Variants in ACMSD observed in about 807,000 individuals in gnomAD.
ACMSD encodes aminocarboxymuconate semialdehyde decarboxylase.
In ACMSD, 37 loss-of-function variants were observed where a neutral mutation model predicts 45.9. The ratio of observed to expected loss-of-function variants is 0.81; its 90% CI spans 0.62 to 1.06. ACMSD has a LOEUF of 1.06. Ranked by LOEUF, ACMSD falls within the 50% of genes least tolerant of loss-of-function variation. ACMSD has a pLI of 0.00. For synonymous variants in ACMSD, 138 were observed against 148.8 expected, an observed-to-expected ratio of 0.93 and a Z score of 0.53; for missense variants, 434 against 420.9, an observed-to-expected ratio of 1.03 and a Z score of -0.27.
At chr2:134,885,340 T>TA (rs1204768436) in intron 8 of ACMSD, among the ~76,000 whole-genome samples, 4 of 105,446 alleles carry the variant, frequency 3.8e-5, no homozygotes, top group Admixed American at 2.8e-4. Context: ...TAAATATATA[T>TA]TTATATATAA....
intron 8 of ACMSD, among the ~76,000 whole-genome samples, chr2:134,892,708 T>C (rs1420790301): frequency 6.6e-6 from 1 of 151,906 alleles, no homozygotes; most frequent in Non-Finnish European, 1.5e-5. Context: ...TGAAGAAGGA[T>C]GGAAAGTTGA....
chr2:134,852,690 T>C (rs982645158), intron 2 of ACMSD, among the ~76,000 whole-genome samples: 1 of 152,034 alleles, frequency 6.6e-6, no homozygotes, highest in Non-Finnish European at 1.5e-5. Context: ...AACCTGGGAA[T>C]GTGGGAGCTG....
chr2:134,875,736 G>A (rs866976689), intron 8 of ACMSD, among the ~76,000 whole-genome samples: 3 of 152,098 alleles, frequency 2.0e-5, no homozygotes, highest in Admixed American at 6.5e-5. Flanking sequence ...TTGAGAGGTC[G>A]GTCATACGCT....
At chr2:134,895,335 T>C (rs955527014) in intron 8 of ACMSD, among the ~76,000 whole-genome samples, 28 of 145,774 alleles carry the variant, frequency 1.9e-4, no homozygotes, top group African/African-American at 7.0e-4. Flanking sequence ...ATGTTATATA[T>C]ATAATATATA....
intron 8 of ACMSD, among the ~76,000 whole-genome samples, chr2:134,892,214 C>A (rs895394747): frequency 1.6e-5 from 2 of 123,904 alleles, no homozygotes; most frequent in Non-Finnish European, 3.2e-5. Flanking sequence ...GCACTTGTAC[C>A]CCTTACATGT....
chr2:134,863,218 A>G (rs1056032825), intron 4 of ACMSD, among the ~76,000 whole-genome samples, 177 bp from the exon 5 acceptor site: 2 of 152,084 alleles, frequency 1.3e-5, no homozygotes, highest in African/African-American at 4.8e-5. Context: ...CTTTACAAAG[A>G]TTGGCTTCTC....
intron 2 of ACMSD, among the ~76,000 whole-genome samples, chr2:134,847,451 T>TAGATAGATAG (rs1687118341): frequency 2.8e-5 from 4 of 143,982 alleles, no homozygotes; most frequent in South Asian, 2.3e-4. Flanking sequence ...TAGATAGATA[T>TAGATAGATAG]AGATAGAGAT....
chr2:134,897,809 C>A (rs1293410296), intron 8 of ACMSD, among the ~76,000 whole-genome samples: 1 of 150,978 alleles, frequency 6.6e-6, no homozygotes, highest in Non-Finnish European at 1.5e-5. Context: ...ACTTATGATC[C>A]AGTTTATAGG....
At chr2:134,840,839 T>C (rs1686774288) in intron 1 of ACMSD, among the ~76,000 whole-genome samples, 1 of 152,190 alleles carries the variant, frequency 6.6e-6, no homozygotes, top group Non-Finnish European at 1.5e-5. Flanking sequence ...TAGTGGTGAT[T>C]TGTGAGATTT....
intron 2 of ACMSD, among the ~76,000 whole-genome samples, chr2:134,858,616 G>A (rs1687695029): frequency 6.6e-6 from 1 of 152,064 alleles, no homozygotes. Flanking sequence ...AGATAATGTT[G>A]TACAGCATAA....
intron 2 of ACMSD, among the ~76,000 whole-genome samples, chr2:134,847,775 A>C (rs1356128799): frequency 6.6e-6 from 1 of 152,126 alleles, no homozygotes; most frequent in Non-Finnish European, 1.5e-5. Context: ...ATGTCCCTGC[A>C]AAGGACATGA....
intron 8 of ACMSD, among the ~76,000 whole-genome samples, chr2:134,892,459 GAAAAAATA>G (rs1166436293): frequency 8.1e-6 from 1 of 123,260 alleles, no homozygotes; most frequent in Admixed American, 9.8e-5. Context: ...TATTGCTGTG[GAAAAAATA>G]AATAAATAAA....
Position 134,838,644 on chromosome 2 carries a change from A to G in ACMSD, c.-39A>G, listed in dbSNP as rs193088385. 4.0e-4 allele frequency: 635 copies of G among 1,578,548 alleles called. 6 individuals are homozygous for G. The Middle Eastern group carries it at 8.7e-3, about 22-fold the overall frequency. On this transcript the variant is annotated 5_prime_UTR_variant, in exon 1 of 10. Transcript: ENST00000356140. ...GTTTTCACAAAGGTCTCTTGATATC[A>G]AAACTTCTTTCCTTGCATGCTTCTC...
At chr2:134,869,794 G>A (rs1228192321) in intron 6 of ACMSD, among the ~76,000 whole-genome samples, 1 of 152,064 alleles carries the variant, frequency 6.6e-6, no homozygotes, top group Non-Finnish European at 1.5e-5. Context: ...TGGATTGGAG[G>A]ATTCCCAGCA....
intron 6 of ACMSD, among the ~76,000 whole-genome samples, chr2:134,869,559 C>T (rs1175839608): frequency 1.3e-5 from 2 of 152,064 alleles, no homozygotes; most frequent in Non-Finnish European, 2.9e-5. Flanking sequence ...CATATAGAGT[C>T]ATTTCATCAT....
chr2:134,858,494 T>G (rs1243031564), intron 2 of ACMSD, among the ~76,000 whole-genome samples: 1 of 152,202 alleles, frequency 6.6e-6, no homozygotes, highest in Non-Finnish European at 1.5e-5. Flanking sequence ...ACTTGAAAAT[T>G]GCTAAAAGAA....
intron 8 of ACMSD, among the ~76,000 whole-genome samples, chr2:134,878,135 T>C (rs1206088217): frequency 2.6e-5 from 4 of 152,138 alleles, no homozygotes; most frequent in African/African-American, 9.7e-5. Context: ...AGTTCCTTTG[T>C]TCCTCACACA....
chr2:134,839,108 A>G (rs758097175), intron 1 of ACMSD, among the ~76,000 whole-genome samples: 1 of 152,200 alleles, frequency 6.6e-6, no homozygotes, highest in Non-Finnish European at 1.5e-5. Flanking sequence ...AAGACCATTA[A>G]AAATGGAATG....
At chr2:134,850,512 C>T (rs896021082) in intron 2 of ACMSD, among the ~76,000 whole-genome samples, 1 of 152,196 alleles carries the variant, frequency 6.6e-6, no homozygotes, top group African/African-American at 2.4e-5. Flanking sequence ...AAGTGATCCA[C>T]CTGCTTCGTC....
Sources: allele counts gnomAD v4.1 joint callset (sites outside exome capture counted in the v4.1 genomes callset), GRCh38; gene constraint gnomAD v4.1.1; transcripts MANE v1.5; gene names NCBI Gene and HGNC (gene_info 2026-07-23, HGNC 2026-07-21).